Variants in GNAI1 observed in about 807,000 individuals in gnomAD.
GNAI1 encodes the protein guanine nucleotide-binding protein G(i) subunit alpha-1.
GNAI1 carries 11 observed loss-of-function variants against 38.9 expected under a neutral mutation model. The ratio of observed to expected loss-of-function variants is 0.28; its 90% CI spans 0.18 to 0.47. The LOEUF (loss-of-function observed/expected upper bound fraction) is 0.47. Ranked by LOEUF, GNAI1 falls within the 20% of genes least tolerant of loss-of-function variation. The pLI, the probability that GNAI1 is intolerant of heterozygous loss-of-function variation, is 0.99. For missense variants in GNAI1, 317 were observed against 436.9 expected, an observed-to-expected ratio of 0.73 and a Z score of 2.45; for synonymous variants, 166 against 145.1, an observed-to-expected ratio of 1.14 and a Z score of -1.04.
chr7:80,191,694 A>G (rs1321076201), intron 3 of GNAI1, among the ~76,000 whole-genome samples: 2 of 152,174 alleles, frequency 1.3e-5, no homozygotes, highest in Non-Finnish European at 2.9e-5. Flanking sequence ...GCCAAGCCAC[A>G]AACAGTATAT....
chr7:80,190,089 A>G (rs907747177), intron 3 of GNAI1, among the ~76,000 whole-genome samples: 1 of 152,040 alleles, frequency 6.6e-6, no homozygotes, highest in Non-Finnish European at 1.5e-5. Context: ...TACTAATACT[A>G]TGAAGATTTT....
At chr7:80,188,001 A>G (rs1376350596) in intron 1 of GNAI1, among the ~76,000 whole-genome samples, 4 of 152,212 alleles carry the variant, frequency 2.6e-5, no homozygotes, top group Non-Finnish European at 4.4e-5. Flanking sequence ...GAGAGCCTGC[A>G]TGTATACAGA....
intron 3 of GNAI1, among the ~76,000 whole-genome samples, chr7:80,189,771 TC>T (rs754123632): frequency 2.6e-5 from 4 of 152,126 alleles, no homozygotes; most frequent in Non-Finnish European, 5.9e-5. Flanking sequence ...TAGTTTCAAT[TC>T]TTTATTTTGC....
chr7:80,182,361 T>C (rs1788309891), intron 1 of GNAI1, among the ~76,000 whole-genome samples: 1 of 152,158 alleles, frequency 6.6e-6, no homozygotes, highest in Admixed American at 6.6e-5. Flanking sequence ...TTCTTGCTCA[T>C]TGTAATAGTA....
At chr7:80,161,970 C>T (rs762441607) in intron 1 of GNAI1, among the ~76,000 whole-genome samples, 5 of 152,038 alleles carry the variant, frequency 3.3e-5, no homozygotes, top group Admixed American at 6.6e-5. Flanking sequence ...TAATAGTTAT[C>T]GAGTGTCTGT....
chr7:80,149,622 T>C (rs1787689902), intron 1 of GNAI1, among the ~76,000 whole-genome samples: 1 of 152,164 alleles, frequency 6.6e-6, no homozygotes, highest in Non-Finnish European at 1.5e-5. Flanking sequence ...AAGAAGTTAA[T>C]GTGCTCCATT....
intron 1 of GNAI1, among the ~76,000 whole-genome samples, chr7:80,184,574 C>T (rs377655393): frequency 3.2e-4 from 49 of 152,340 alleles, no homozygotes; most frequent in African/African-American, 1.2e-3. Context: ...CATGCTTGAG[C>T]TCACTCACCC....
intron 3 of GNAI1, among the ~76,000 whole-genome samples, chr7:80,192,380 T>A: frequency 6.6e-6 from 1 of 152,192 alleles, no homozygotes; most frequent in East Asian, 1.9e-4. Flanking sequence ...TAACAGTCAT[T>A]TGTTAAATAT....
At chr7:80,147,395 A>T (rs1787643258) in intron 1 of GNAI1, among the ~76,000 whole-genome samples, 1 of 150,354 alleles carries the variant, frequency 6.7e-6, no homozygotes, top group Non-Finnish European at 1.5e-5. Context: ...AAAAAGACAC[A>T]GGAGCTCTCT....
At chr7:80,188,412 CA>C (rs1360695618) in intron 1 of GNAI1, among the ~76,000 whole-genome samples, 2 of 152,086 alleles carry the variant, frequency 1.3e-5, no homozygotes, top group African/African-American at 4.8e-5. Flanking sequence ...TACACACAAA[CA>C]ACAGTAGAAG....
intron 1 of GNAI1, among the ~76,000 whole-genome samples, chr7:80,166,377 C>T (rs578138415): frequency 6.6e-5 from 10 of 151,936 alleles, no homozygotes; most frequent in Admixed American, 3.3e-4. Context: ...AACAGAATTT[C>T]GAAATTGTTT....
Position 80,134,930 on chromosome 7 carries a change from G to T in GNAI1, c.-231G>T, listed in dbSNP as rs1787380169. ...AAAACCCCAAACCCGGGACTTGGGGGCGCTGAGCCGGGCCGGGAAGCAGAG... is the reference window on the plus strand; with the variant it reads ...AAAACCCCAAACCCGGGACTTGGGGTCGCTGAGCCGGGCCGGGAAGCAGAG... On this transcript the variant is annotated 5_prime_UTR_variant, in exon 1 of 8. Coordinates refer to ENST00000649796, the MANE Select transcript of GNAI1 (RefSeq NM_002069.6). The T allele has an allele frequency of 5.3e-6, 2 of 379,938 alleles. No homozygotes were observed. The highest frequency in any genetic ancestry group is 4.2e-5 in the African/African-American group (2 of 48,010). The allele number at this position is 379,938 out of a possible 1,614,324, so 23.5% of individuals were successfully genotyped here. A position where few individuals can be genotyped will look rare whatever the true frequency, so the allele number is the denominator to read the frequency against.
Position 80,224,276 on chromosome 7 carries a change from T to C in GNAI1, c.*6783T>C, listed in dbSNP as rs966129828. Among the ~76,000 whole-genome samples, 2 of 152,210 alleles carry C rather than the reference T, an allele frequency of 1.3e-5. No homozygotes were observed. ...TAGTCATCAGAGCAGTCCTGCAATA[T>C]TGGTAAAATTTCCATTTTCTATATA... On this transcript the variant is annotated 3_prime_UTR_variant, in exon 8 of 8. Coordinates refer to ENST00000649796, the MANE Select transcript of GNAI1 (RefSeq NM_002069.6).
chr7:80,206,531 A>C (rs778807721), intron 5 of GNAI1, among the ~76,000 whole-genome samples: 5 of 152,070 alleles, frequency 3.3e-5, no homozygotes, highest in Non-Finnish European at 4.4e-5. Context: ...TCTTAAAACT[A>C]AGAAGTGATT....
At chr7:80,151,846 C>T (rs926122679) in intron 1 of GNAI1, among the ~76,000 whole-genome samples, 3 of 151,950 alleles carry the variant, frequency 2.0e-5, no homozygotes, top group Non-Finnish European at 4.4e-5. Context: ...CAAAAGAAAC[C>T]AAGGAAACAT....
At chr7:80,213,219 C>T (rs1788903018) in intron 7 of GNAI1, among the ~76,000 whole-genome samples, 1 of 152,058 alleles carries the variant, frequency 6.6e-6, no homozygotes, top group South Asian at 2.1e-4. Flanking sequence ...GAAAGACAGA[C>T]ATACTTAAAC....
Position 80,157,164 on chromosome 7 carries a change from C to G in GNAI1, c.118+21886C>G, listed in dbSNP as rs1299953646. 2.6e-5 allele frequency among the ~76,000 whole-genome samples: 4 copies of G among 152,148 alleles called. No homozygotes were observed. In the East Asian group the frequency reaches 7.7e-4, roughly 29 times the overall value. Reference sequence around the variant, plus strand: ...CAACCACTGATCTTTTTTACTGTCTCCATAGTTTTTTCTTTTCCAGAATGT... The same window carrying G: ...CAACCACTGATCTTTTTTACTGTCTGCATAGTTTTTTCTTTTCCAGAATGT... On this transcript the variant is annotated intron_variant, in intron 1 of 7. Coordinates refer to ENST00000649796, the MANE Select transcript of GNAI1 (RefSeq NM_002069.6).
chr7:80,203,940 G>GT (rs1788730590), intron 5 of GNAI1, 108 bp downstream of exon 5: 1 of 656,336 alleles, frequency 1.5e-6, no homozygotes, highest in African/African-American at 1.9e-5. Flanking sequence ...GGAAATTACA[G>GT]TTGGAAAAAA....
chr7:80,194,259 G>A (rs1360167396), intron 3 of GNAI1, among the ~76,000 whole-genome samples: 1 of 151,918 alleles, frequency 6.6e-6, no homozygotes, highest in Non-Finnish European at 1.5e-5. Flanking sequence ...AGTTTTCCCT[G>A]TCTATTGATT....
Sources: gnomAD v4.1 joint callset for allele counts (sites outside exome capture counted in the v4.1 genomes callset) on GRCh38, gnomAD v4.1.1 for gene constraint, MANE v1.5 for transcripts, NCBI Gene and HGNC (gene_info 2026-07-23, HGNC 2026-07-21) for gene names.